Variants in MPC1 observed in about 807,000 individuals in gnomAD.
MPC1 encodes HSPC040 protein.
Under a neutral mutation model 13.9 loss-of-function variants are expected in MPC1, and 6 were observed. That is an observed-to-expected ratio of 0.43 (90% CI 0.24 to 0.85). The LOEUF (loss-of-function observed/expected upper bound fraction) is 0.85, where lower values mean the gene tolerates loss of function less well. Among genes scored for constraint, MPC1 ranks in the 40% least tolerant of loss-of-function variants. The probability of loss-of-function intolerance (pLI) is 0.24; values close to 1 mark genes in which losing one functional copy is unlikely to be tolerated. For synonymous variants in MPC1, 47 were observed against 50.5 expected (o/e 0.93, Z 0.29); for missense variants, 115 against 143.3 (o/e 0.80, Z 1.01).
intron 3 of MPC1, 79 bp from the exon 4 acceptor site, chr6:166,366,185 T>A (rs1174222934): frequency 2.1e-6 from 3 of 1,455,406 alleles, no homozygotes; most frequent in East Asian, 4.6e-5. Context: ...GATGAACAGT[T>A]CCATTGCCCT....
chr6:166,377,210 A>AG, intron 1 of MPC1, among the ~76,000 whole-genome samples: 1 of 147,066 alleles, frequency 6.8e-6, no homozygotes, highest in Non-Finnish European at 1.5e-5. Context: ...TGGCAGACCC[A>AG]TGCCGGCACC....
intron 2 of MPC1, chr6:166,369,849 A>G (rs1462060971): frequency 5.2e-6 from 2 of 388,054 alleles, no homozygotes; most frequent in Non-Finnish European, 9.8e-6. Flanking sequence ...CTGTGTGAAA[A>G]TCAAGCCATG....
chr6:166,380,773 C>T (rs1779739555), intron 1 of MPC1, among the ~76,000 whole-genome samples: 1 of 151,858 alleles, frequency 6.6e-6, no homozygotes, highest in South Asian at 2.1e-4. Context: ...AACCCCGTCT[C>T]TATTAAAAAT....
At chr6:166,371,462 A>G (rs958027908) in intron 1 of MPC1, among the ~76,000 whole-genome samples, 2 of 152,194 alleles carry the variant, frequency 1.3e-5, no homozygotes, top group Admixed American at 1.3e-4. Context: ...AAAATCTCAA[A>G]GTTGAGCTAC....
chr6:166,376,794 G>A (rs1185009005), intron 1 of MPC1, among the ~76,000 whole-genome samples: 3 of 152,114 alleles, frequency 2.0e-5, no homozygotes, highest in Non-Finnish European at 4.4e-5. Context: ...CTTGATTAAT[G>A]TTAACATGGT....
intron 1 of MPC1, among the ~76,000 whole-genome samples, chr6:166,377,284 G>A (rs990619330): frequency 7.9e-5 from 12 of 152,066 alleles, no homozygotes; most frequent in Non-Finnish European, 1.2e-4. Context: ...AGCTGATGTG[G>A]GCACTGGGCC....
intron 1 of MPC1, among the ~76,000 whole-genome samples, chr6:166,374,284 C>T (rs1779492888): frequency 6.6e-6 from 1 of 152,172 alleles, no homozygotes; most frequent in African/African-American, 2.4e-5. Context: ...TGAGCCACCG[C>T]GCCTGGCCTT....
intron 1 of MPC1, 49 bp downstream of exon 1, chr6:166,382,757 T>G: frequency 6.5e-7 from 1 of 1,530,068 alleles, no homozygotes; most frequent in Non-Finnish European, 8.8e-7. Flanking sequence ...GGTCGCAGCC[T>G]CCCGGGAGCC....
At chr6:166,376,067 T>C (rs1040549362) in intron 1 of MPC1, among the ~76,000 whole-genome samples, 12 of 152,196 alleles carry the variant, frequency 7.9e-5, no homozygotes, top group Non-Finnish European at 5.9e-5. Flanking sequence ...TAATGGTGCA[T>C]ACACATTAAA....
chr6:166,376,223 GAAGT>G (rs1779566476), intron 1 of MPC1, among the ~76,000 whole-genome samples: 1 of 152,096 alleles, frequency 6.6e-6, no homozygotes. Flanking sequence ...TGCTGTTATA[GAAGT>G]AATAAGTTTC....
intron 1 of MPC1, among the ~76,000 whole-genome samples, chr6:166,380,012 A>G (rs1779708700): frequency 6.6e-6 from 1 of 152,232 alleles, no homozygotes; most frequent in South Asian, 2.1e-4. Flanking sequence ...CAGACCTAGC[A>G]TGAATTCCCA....
chr6:166,380,939 CAAAAAAAAAAA>C (rs1175434820), intron 1 of MPC1, among the ~76,000 whole-genome samples: 4 of 47,728 alleles, frequency 8.4e-5, no homozygotes, highest in Admixed American at 4.6e-4. Flanking sequence ...AACTCTGTCT[CAAAAAAAAAAA>C]AAAAAAAAAA....
chr6:166,371,258 C>T (rs1779370170), intron 1 of MPC1, among the ~76,000 whole-genome samples: 1 of 152,108 alleles, frequency 6.6e-6, no homozygotes, highest in African/African-American at 2.4e-5. Flanking sequence ...TACTGGACTA[C>T]TTAAAGTAGG....
intron 1 of MPC1, among the ~76,000 whole-genome samples, chr6:166,373,676 C>T (rs538669043): frequency 1.3e-5 from 2 of 152,172 alleles, no homozygotes; most frequent in African/African-American, 2.4e-5. Flanking sequence ...AACTGTTTTC[C>T]AAAGTGGCTG....
At chr6:166,377,907 G>A (rs1278679695) in intron 1 of MPC1, among the ~76,000 whole-genome samples, 2 of 152,226 alleles carry the variant, frequency 1.3e-5, no homozygotes. Context: ...CCAAGGACCG[G>A]GTGTGAAAAG....
intron 1 of MPC1, among the ~76,000 whole-genome samples, chr6:166,373,032 GAACCAAAGTACAGA>G (rs1240867707): frequency 2.0e-5 from 3 of 151,940 alleles, no homozygotes; most frequent in Non-Finnish European, 4.4e-5. Context: ...CAGTAAAATT[GAACCAAAGTACAGA>G]AACCTTCCAT....
Position 166,368,339 on chromosome 6 carries a change from C to T in MPC1, c.76-1448G>A, listed in dbSNP as rs544036492. On this transcript the variant is annotated intron_variant, in intron 2 of 4. Coordinates refer to ENST00000360961, the MANE Select transcript of MPC1 (RefSeq NM_016098.4). Reference sequence around the variant, plus strand: ...TTCGGAGGCTGAGGCGGGTGGATCACGAGGTCAGGAGTTTAAGACTAGCCT... The same window carrying T: ...TTCGGAGGCTGAGGCGGGTGGATCATGAGGTCAGGAGTTTAAGACTAGCCT... Among the ~76,000 whole-genome samples, 596 of 152,124 alleles carry T rather than the reference C, an allele frequency of 3.9e-3. 2 individuals are homozygous for T. Among genetic ancestry groups the T allele is most frequent in the African/African-American group, 0.014 (570 of 41,516 alleles).
At chr6:166,372,609 C>A (rs1779421157) in intron 1 of MPC1, among the ~76,000 whole-genome samples, 1 of 152,078 alleles carries the variant, frequency 6.6e-6, no homozygotes, top group Admixed American at 6.5e-5. Context: ...CACTACAACT[C>A]AACATCCCTC....
At chr6:166,382,704 G>T in intron 1 of MPC1, 102 bp downstream of exon 1, 1 of 1,262,444 alleles carries the variant, frequency 7.9e-7, no homozygotes, top group Non-Finnish European at 1.1e-6. Context: ...CCGCTGCCCG[G>T]GGCCACCGCG....
Sources: gnomAD v4.1 joint callset for allele counts (sites outside exome capture counted in the v4.1 genomes callset) on GRCh38, gnomAD v4.1.1 for gene constraint, MANE v1.5 for transcripts, NCBI Gene and HGNC (gene_info 2026-07-23, HGNC 2026-07-21) for gene names.